NEBL: variants seen among roughly 807,000 people sequenced by gnomAD.
NEBL encodes the protein LIM and SH3 protein 2.
NEBL carries 122 observed loss-of-function variants against 140.2 expected under a neutral mutation model. That is an observed-to-expected ratio of 0.87 (90% confidence interval 0.75 to 1.01). The LOEUF is 1.01. Ranked by LOEUF, NEBL falls within the 50% of genes least tolerant of loss-of-function variation. NEBL has a pLI of 0.00. For synonymous variants in NEBL, 436 were observed against 398.9 expected (o/e 1.09, Z -1.11); for missense variants, 1,365 against 1,231.3 (o/e 1.11, Z -1.62).
intron 4 of NEBL, among the ~76,000 whole-genome samples, chr10:20,904,146 C>T (rs1847992268): frequency 6.6e-6 from 1 of 152,110 alleles, no homozygotes; most frequent in Non-Finnish European, 1.5e-5. Context: ...CTGTACTGAC[C>T]TATTTCCAGA....
chr10:20,867,448 A>G (rs1844410064), intron 7 of NEBL, among the ~76,000 whole-genome samples: 1 of 152,158 alleles, frequency 6.6e-6, no homozygotes, highest in Admixed American at 6.6e-5. Context: ...AAAAAACTAT[A>G]AATGTGTAAA....
At chr10:21,289,828 A>G (rs998112644) in intron 1 of NEBL, among the ~76,000 whole-genome samples, 16 of 152,168 alleles carry the variant, frequency 1.1e-4, no homozygotes, top group African/African-American at 3.6e-4. Context: ...GGCAAACCCA[A>G]TCTGGTGCCT....
intron 17 of NEBL, 132 bp downstream of exon 17, chr10:20,828,398 G>A: frequency 1.6e-6 from 1 of 612,638 alleles, no homozygotes; most frequent in Non-Finnish European, 2.9e-6. Flanking sequence ...TTATTTTAAA[G>A]AAATAAAGAT....
At chr10:20,951,445 A>G (rs1410045283) in intron 4 of NEBL, among the ~76,000 whole-genome samples, 2 of 151,904 alleles carry the variant, frequency 1.3e-5, no homozygotes, top group African/African-American at 4.8e-5. Flanking sequence ...AGGAAAATGC[A>G]AAGTAAATTA....
intron 2 of NEBL, among the ~76,000 whole-genome samples, chr10:21,090,532 C>G (rs1056234547): frequency 6.6e-6 from 1 of 152,076 alleles, no homozygotes; most frequent in African/African-American, 2.4e-5. Flanking sequence ...GGAACCTACC[C>G]CCACAGATAT....
In NEBL at chr10:20,967,601, C is replaced by T. The variant is rs577075528; in HGVS notation, c.250-5822G>A. On this transcript the variant is annotated intron_variant, in intron 3 of 6. Transcript: ENST00000417816. ...TGATATCACACTGCTGCACTCCAGC[C>T]TGGGTGACAGAGCGAGACTCCATCT... Among the ~76,000 whole-genome samples, 6 of 151,330 alleles carry T rather than the reference C, an allele frequency of 4.0e-5. No homozygotes were observed. The East Asian group carries it at 1.2e-3, about 30-fold the overall frequency.
intron 1 of NEBL, among the ~76,000 whole-genome samples, chr10:21,252,391 G>C (rs1588564852): frequency 6.6e-6 from 1 of 152,182 alleles, no homozygotes; most frequent in Non-Finnish European, 1.5e-5. Flanking sequence ...TATGTTGATT[G>C]ATTGATTGAT....
chr10:20,961,675 A>G, exon 4 of NEBL: 1 of 1,605,058 alleles, frequency 6.2e-7, no homozygotes, highest in South Asian at 1.1e-5. Flanking sequence ...CACCTACATT[A>G]CTGATTTGCT....
chr10:21,216,478 A>T (rs1841994282), intron 3 of NEBL, among the ~76,000 whole-genome samples: 1 of 152,114 alleles, frequency 6.6e-6, no homozygotes, highest in South Asian at 2.1e-4. Flanking sequence ...ACATGATGAA[A>T]ACCCATCTCT....
chr10:21,173,634 C>G lies in NEBL; in HGVS notation c.69+131G>C, dbSNP rs1841183134. 7 of 1,468,188 alleles carry G rather than the reference C, an allele frequency of 4.8e-6. No homozygotes were observed. Among genetic ancestry groups the G allele is most frequent in the Non-Finnish European group, 6.5e-6 (7 of 1,071,528 alleles). The allele number at this position is 1,468,188 out of a possible 1,614,324, so 90.9% of individuals were successfully genotyped here. A position where few individuals can be genotyped will look rare whatever the true frequency, so the allele number is the denominator to read the frequency against. ...GCTGGCGTCTTCGTTCGCGCGCCCT[C>G]CCCCCGTGCCAAGGCACACGCACAC... On this transcript the variant is annotated intron_variant, in intron 1 of 6. Transcript: ENST00000417816. The surrounding 1 kb of genome is among the most constrained non-coding windows in gnomAD (Gnocchi z 5.7).
At chr10:21,059,003 T>C (rs1485474638) in intron 2 of NEBL, among the ~76,000 whole-genome samples, 3 of 152,232 alleles carry the variant, frequency 2.0e-5, no homozygotes, top group Admixed American at 6.5e-5. Flanking sequence ...CAGATGGGTA[T>C]AAAAGTAATT....
At chr10:21,055,887 C>T (rs1294295804) in intron 2 of NEBL, among the ~76,000 whole-genome samples, 1 of 152,206 alleles carries the variant, frequency 6.6e-6, no homozygotes, top group African/African-American at 2.4e-5. Context: ...TGCACCACAG[C>T]GAAGCACACA....
intron 1 of NEBL, among the ~76,000 whole-genome samples, chr10:21,277,991 G>A (rs138666678): frequency 3.9e-5 from 6 of 152,282 alleles, no homozygotes; most frequent in African/African-American, 1.4e-4. Flanking sequence ...ACCCCTTGAG[G>A]CTTCGCCTAG....
At chr10:21,239,356 A>G (rs1194448839) in intron 3 of NEBL, among the ~76,000 whole-genome samples, 2 of 152,052 alleles carry the variant, frequency 1.3e-5, no homozygotes, top group Admixed American at 6.6e-5. Context: ...TCGTTTGAAG[A>G]GATCCAATTA....
At chr10:20,799,537 A>G (rs1432051092) in intron 26 of NEBL, among the ~76,000 whole-genome samples, 1 of 152,224 alleles carries the variant, frequency 6.6e-6, no homozygotes, top group Non-Finnish European at 1.5e-5. Context: ...TGTAAACACA[A>G]CAGCATTTTT....
At chr10:21,188,989 T>G (rs1298028582) in intron 3 of NEBL, among the ~76,000 whole-genome samples, 1 of 152,180 alleles carries the variant, frequency 6.6e-6, no homozygotes, top group Non-Finnish European at 1.5e-5. Context: ...ATATAAGATT[T>G]TTCTGAAGAT....
At chr10:20,955,889 C>T (rs1835776083) in intron 4 of NEBL, among the ~76,000 whole-genome samples, 1 of 150,718 alleles carries the variant, frequency 6.6e-6, no homozygotes, top group African/African-American at 2.5e-5. Flanking sequence ...AGATTGTTCA[C>T]TGAATCCCTC....
At chr10:21,228,111 G>A (rs1842196376) in intron 3 of NEBL, among the ~76,000 whole-genome samples, 1 of 151,524 alleles carries the variant, frequency 6.6e-6, no homozygotes, top group South Asian at 2.1e-4. Flanking sequence ...AAAGTTTTTT[G>A]GGTTTTTTTT....
chr10:21,178,736 A>G (rs1434078449), upstream of NEBL, among the ~76,000 whole-genome samples: 1 of 152,252 alleles, frequency 6.6e-6, no homozygotes, highest in Non-Finnish European at 1.5e-5. Flanking sequence ...ACATATCAAA[A>G]TAAGTCCCAA....
Sources: gnomAD v4.1 joint callset for allele counts (sites outside exome capture counted in the v4.1 genomes callset) on GRCh38, gnomAD v4.1.1 for gene constraint, Gnocchi (gnomAD v3.1) non-coding constraint, MANE v1.5 for transcripts, NCBI Gene and HGNC (gene_info 2026-07-23, HGNC 2026-07-21) for gene names.